Variants in NAALADL1 observed in about 807,000 individuals in gnomAD.
The protein encoded by NAALADL1 is N-acetylated alpha-linked acidic dipeptidase like 1, also known as aminopeptidase NAALADL1.
A neutral mutation model predicts 82.8 loss-of-function variants in NAALADL1; 77 were observed. The observed-to-expected ratio is 0.93, with a 90% CI of 0.77 to 1.12. NAALADL1 has a LOEUF of 1.12. Ranked by LOEUF, NAALADL1 falls within the 50% of genes most tolerant of loss-of-function variation. The pLI is 0.00. For missense variants in NAALADL1, 956 were observed against 964.0 expected (o/e 0.99, Z 0.11); for synonymous variants, 358 against 399.2 (o/e 0.90, Z 1.23).
At chr11:65,051,193 G>C (rs1372420862) in intron 8 of NAALADL1, among the ~76,000 whole-genome samples, 1 of 151,886 alleles carries the variant, frequency 6.6e-6, no homozygotes, top group African/African-American at 2.4e-5. Context: ...CTCTCCACAA[G>C]CTTGTCCACT....
intron 17 of NAALADL1, 134 bp downstream of exon 17, chr11:65,045,688 G>T: frequency 1.0e-6 from 1 of 983,102 alleles, no homozygotes; most frequent in Non-Finnish European, 1.5e-6. Context: ...CCCTCCCTGA[G>T]CCTTACATTC....
chr11:65,054,103 T>C lies in NAALADL1; in HGVS notation c.992+147A>G. The C allele has an allele frequency of 1.5e-6, 1 of 676,534 alleles. No individual in the cohort carries two copies. 41.9% of individuals were successfully genotyped at this position (676,534 alleles called of 1,614,324 possible). On this transcript the variant is annotated intron_variant, in intron 6 of 17. Coordinates refer to ENST00000358658, the MANE Select transcript of NAALADL1 (RefSeq NM_005468.3). This position sits in a 1 kb window ranked among gnomAD's most constrained non-coding sequence, Gnocchi z 4.3. Reference sequence around the variant, plus strand: ...GGCTTCCCCAAAAACAAGACATATTTTGGGGTCAGGAGAGGGTCTGGGAGA... The same window carrying C: ...GGCTTCCCCAAAAACAAGACATATTCTGGGGTCAGGAGAGGGTCTGGGAGA...
intron 4 of NAALADL1, among the ~76,000 whole-genome samples, chr11:65,056,687 G>A (rs1230741349): frequency 9.4e-5 from 14 of 148,658 alleles, no homozygotes; most frequent in African/African-American, 3.5e-4. Flanking sequence ...GATTACAAGC[G>A]TGAGCCACCA....
rs1049879331 is a variant in NAALADL1, at chr11:65,045,429, A to G, written c.2065T>C (p.Ser689Pro). The change falls in exon 18 of 18, where the codon TCC becomes CCC. Residue 689 changes from serine to proline, a missense_variant. Ser to Pro is a moderately conservative substitution (Grantham distance 74). Coordinates refer to ENST00000358658, the MANE Select transcript of NAALADL1 (RefSeq NM_005468.3). ...SHVLWAPRTG[S>P]VVTFPGLSNA... The stretch of plus-strand genomic sequence containing the variant: ...GATAGGCCCGGGAATGTGACTACGG[A>G]GCCCGTGCGAGGTGCCCAGAGCACA... 2.5e-6 allele frequency: 4 copies of G among 1,611,484 alleles called. No homozygotes were observed. In the African/African-American group the frequency reaches 5.3e-5, roughly 22 times the overall value.
chr11:65,059,097 C>T (rs1947126401), upstream of NAALADL1, among the ~76,000 whole-genome samples: 1 of 151,902 alleles, frequency 6.6e-6, no homozygotes, highest in Non-Finnish European at 1.5e-5. Flanking sequence ...ACTGCAACCT[C>T]CACCTCCCGG....
chr11:65,057,990 G>C lies in NAALADL1; in HGVS notation c.365C>G (p.Pro122Arg), dbSNP rs1947092049. The C allele has an allele frequency of 6.2e-7, 1 of 1,614,146 alleles. No homozygotes were observed. ...GCAGGAGTGGATGATGCCCCCAGTG[G>C]GGCCCACTGTTGGAGGGGTGGCAGT... ...EQPNVVDIVG[P>R]TGGIIHSCHR... The change falls in exon 3 of 18, where the codon CCC (proline) becomes CGC (arginine). Residue 122 changes from proline to arginine, a missense_variant. Pro to Arg is a moderately radical substitution (Grantham distance 103). Coordinates refer to ENST00000358658, the MANE Select transcript of NAALADL1 (RefSeq NM_005468.3).
chr11:65,045,768 G>T, intron 17 of NAALADL1, 54 bp downstream of exon 17: 1 of 1,521,182 alleles, frequency 6.6e-7, no homozygotes, highest in Non-Finnish European at 9.1e-7. Context: ...CAGGTGGGGA[G>T]CCATTGTCCG....
upstream of NAALADL1, among the ~76,000 whole-genome samples, chr11:65,060,924 C>G (rs1267196051): frequency 6.6e-6 from 1 of 152,122 alleles, no homozygotes; most frequent in African/African-American, 2.4e-5. Context: ...CAGCAATGCA[C>G]TGCTGCTGGC....
At position 65,053,805 on chromosome 11, in the gene NAALADL1, A is replaced by T. The variant is rs201743127; in HGVS notation, c.993-229T>A. On this transcript the variant is annotated intron_variant, in intron 6 of 17. Transcript: ENST00000358658. The surrounding 1 kb of genome is among the most constrained non-coding windows in gnomAD (Gnocchi z 4.3). Reference sequence around the variant, plus strand: ...CTAGTCTCTGGGCAATGACGGTGACAGATGTGGACCTGGTTCTCGTGGGGC... The same window carrying T: ...CTAGTCTCTGGGCAATGACGGTGACTGATGTGGACCTGGTTCTCGTGGGGC... Among the ~76,000 whole-genome samples the T allele has an allele frequency of 3.9e-5, 6 of 152,152 alleles. No individual in the cohort carries two copies. In the East Asian group the frequency reaches 1.2e-3, roughly 29 times the overall value.
rs780553074 is a variant in NAALADL1 at position 65,057,424 on chromosome 11, G to C, written c.550C>G (p.Leu184Val). The C allele has an allele frequency of 6.2e-7, 1 of 1,614,080 alleles. No homozygotes were observed. Among genetic ancestry groups the C allele is most frequent in the African/African-American group, 1.3e-5 (1 of 74,928 alleles). ...FKELQTQGIK[L>V]EGTIALTRYG... is the part of the protein sequence containing the mutation. Reference sequence around the variant, plus strand: ...CGAGTCAGGGCAATGGTGCCTTCAAGTTTGATGCCCTGAGTCTGTAGCTCC... The same window carrying C: ...CGAGTCAGGGCAATGGTGCCTTCAACTTTGATGCCCTGAGTCTGTAGCTCC... The change falls in exon 4 of 18, where the codon CTT (leucine) becomes GTT (valine). Residue 184 changes from leucine to valine, a missense_variant. Transcript: ENST00000358658.
chr11:65,054,153 C>A lies in NAALADL1; in HGVS notation c.992+97G>T. On this transcript the variant is annotated intron_variant, in intron 6 of 17. Coordinates refer to ENST00000358658, the MANE Select transcript of NAALADL1 (RefSeq NM_005468.3). This position sits in a 1 kb window ranked among gnomAD's most constrained non-coding sequence, Gnocchi z 4.3. ...AGAGAGGAAAGGGAAAAAGGTCAGG[C>A]TTTGAAGTGGAAAGAGGGAACATCA... The A allele has an allele frequency of 9.1e-7, 1 of 1,096,262 alleles. No homozygotes were observed. Among genetic ancestry groups the A allele is most frequent in the Non-Finnish European group, 1.3e-6 (1 of 742,840 alleles). The allele number at this position is 1,096,262 out of a possible 1,614,324, so 67.9% of individuals were successfully genotyped here.
chr11:65,047,063 GT>G (rs994089187), intron 13 of NAALADL1, among the ~76,000 whole-genome samples: 1 of 151,282 alleles, frequency 6.6e-6, no homozygotes, highest in Non-Finnish European at 1.5e-5. Flanking sequence ...GGAAGCGGTG[GT>G]TTTTTTTCCT....
At chr11:65,047,371 A>G in intron 13 of NAALADL1, 104 bp downstream of exon 13, 1 of 926,580 alleles carries the variant, frequency 1.1e-6, no homozygotes, top group Non-Finnish European at 1.6e-6. Flanking sequence ...AGAGGTAGCA[A>G]TGAGTAAAGG....
At chr11:65,045,939 G>A in intron 16 of NAALADL1, 25 bp from the exon 17 acceptor site, 1 of 1,612,830 alleles carries the variant, frequency 6.2e-7, no homozygotes, top group African/African-American at 1.3e-5. Flanking sequence ...GGAACTGCCA[G>A]TCACCCTGGA....
In NAALADL1 at chr11:65,057,383, C is replaced by T. The variant is rs1394221700; in HGVS notation, c.591G>A (p.Gly197=). 1.2e-6 allele frequency: 2 copies of T among 1,612,662 alleles called. No homozygotes were observed. Among genetic ancestry groups the T allele is most frequent in the Non-Finnish European group, 1.7e-6 (2 of 1,179,254 alleles). Residue 197 remains glycine (G), a synonymous_variant, in exon 4 of 18, where the codon GGG becomes GGA. Transcript: ENST00000358658. The part of the protein sequence containing the change: ...TIALTRYGGV[G]RGAKAVNAAK... ...GACTGCCACTCACCTTGGCCCCACG[C>T]CCTACACCCCCATATCGAGTCAGGG...
upstream of NAALADL1, among the ~76,000 whole-genome samples, chr11:65,060,685 C>A (rs554966973): frequency 1.1e-4 from 16 of 152,206 alleles, no homozygotes; most frequent in African/African-American, 3.6e-4. Flanking sequence ...TCCACTCAGG[C>A]TGTTGGAATC....
intron 4 of NAALADL1, among the ~76,000 whole-genome samples, chr11:65,056,143 C>T (rs1284960365): frequency 6.6e-6 from 1 of 151,864 alleles, no homozygotes; most frequent in Non-Finnish European, 1.5e-5. Context: ...CCTTGGCCTC[C>T]GAAAGTGCTG....
intron 3 of NAALADL1, 78 bp from the exon 4 acceptor site, chr11:65,057,571 G>A: frequency 3.3e-6 from 5 of 1,517,212 alleles, no homozygotes; most frequent in Non-Finnish European, 3.5e-6. Context: ...AGTTTGCATG[G>A]CAGGAGGGAG....
chr11:65,057,402 G>A lies in NAALADL1; in HGVS notation c.572C>T (p.Thr191Ile). 2 of 1,614,128 alleles carry A rather than the reference G, an allele frequency of 1.2e-6. No individual in the cohort carries two copies. Among genetic ancestry groups the A allele is most frequent in the Non-Finnish European group, 1.7e-6 (2 of 1,179,996 alleles). ...GIKLEGTIAL[T>I]RYGGVGRGAK... is the part of the protein sequence containing the mutation. ...CCCACGCCCTACACCCCCATATCGA[G>A]TCAGGGCAATGGTGCCTTCAAGTTT... Residue 191 changes from threonine (T) to isoleucine (I), a missense_variant, in exon 4 of 18, where the codon ACT (threonine) becomes ATT (isoleucine). Thr to Ile is a moderately conservative substitution (Grantham distance 89, BLOSUM62 -1). Transcript: ENST00000358658.
Sources: allele counts gnomAD v4.1 joint callset (sites outside exome capture counted in the v4.1 genomes callset), GRCh38; gene constraint gnomAD v4.1.1; non-coding constraint Gnocchi (gnomAD v3.1); transcripts MANE v1.5; gene names NCBI Gene and HGNC (gene_info 2026-07-23, HGNC 2026-07-21).